The following PGAM5 variants were observed in gnomAD, a reference collection of about 807,000 sequenced individuals.
PGAM5 encodes the protein PGAM family member 5, mitochondrial serine/threonine protein phosphatase.
In PGAM5, 25 loss-of-function variants were observed where a neutral mutation model predicts 30.6. The ratio of observed to expected loss-of-function variants is 0.82; its 90% CI spans 0.60 to 1.14. The LOEUF is 1.14. Ranked by LOEUF, PGAM5 falls within the 50% of genes most tolerant of loss-of-function variation. The pLI is 0.00. For missense variants in PGAM5, 384 were observed against 408.5 expected, an observed-to-expected ratio of 0.94 and a Z score of 0.52; for synonymous variants, 201 against 179.1, an observed-to-expected ratio of 1.12 and a Z score of -0.98.
chr12:132,713,232 G>A (rs1227030361), intron 1 of PGAM5, among the ~76,000 whole-genome samples: 2 of 152,156 alleles, frequency 1.3e-5, no homozygotes, highest in African/African-American at 4.8e-5. Context: ...CAGGTGTTCT[G>A]TATTTGCTTG....
chr12:132,716,471 C>G (rs909797338), intron 2 of PGAM5, among the ~76,000 whole-genome samples: 1 of 151,982 alleles, frequency 6.6e-6, no homozygotes, highest in South Asian at 2.1e-4. Flanking sequence ...CCTCGTAATC[C>G]GCCCGCCTTG....
intron 5 of PGAM5, chr12:132,718,937 G>T: frequency 6.5e-7 from 1 of 1,546,026 alleles, no homozygotes. Context: ...TCCCTCGGGG[G>T]GCCCTTGTCC....
At position 132,720,278 on chromosome 12, in the gene PGAM5, T is replaced by C. The variant is rs189243786; in HGVS notation, c.720-400T>C. 6.2e-4 allele frequency among the ~76,000 whole-genome samples: 93 copies of C among 149,202 alleles called. No homozygotes were observed. The East Asian group carries it at 0.016, about 25-fold the overall frequency. ...CCTGGCACAGCCTGGCCCAGCCTCT[T>C]TTAAGGACAGAGTCCCCTGGCTCTA... On this transcript the variant is annotated intron_variant, in intron 5 of 5. Coordinates refer to ENST00000498926, the MANE Select transcript of PGAM5 (RefSeq NM_001170543.2).
intron 1 of PGAM5, among the ~76,000 whole-genome samples, chr12:132,713,173 A>C (rs2043538820): frequency 6.6e-6 from 1 of 152,198 alleles, no homozygotes; most frequent in Non-Finnish European, 1.5e-5. Context: ...AAAGAAAAAA[A>C]AGAACTTGAA....
rs771245897 is a variant in PGAM5, at chr12:132,721,098, G to T, written c.*270G>T. ...GGCCTGTTGTGGGGACTTGAAAGAG[G>T]CCTGACCCAGACCACCATGTTCGCA... On this transcript the variant is annotated 3_prime_UTR_variant, in exon 6 of 6. Transcript: ENST00000498926. The T allele has an allele frequency of 1.9e-5, 6 of 316,268 alleles. No individual in the cohort carries two copies. Among genetic ancestry groups the T allele is most frequent in the Non-Finnish European group, 2.4e-5 (4 of 170,134 alleles). 19.6% of individuals were successfully genotyped at this position (316,268 alleles called of 1,614,324 possible). A position where few individuals can be genotyped will look rare whatever the true frequency, so the allele number is the denominator to read the frequency against.
At position 132,716,381 on chromosome 12, in the gene PGAM5, A is replaced by G. The variant is rs531241005; in HGVS notation, c.371-1058A>G. Among the ~76,000 whole-genome samples the G allele has an allele frequency of 4.6e-3, 689 of 148,398 alleles. 5 individuals are homozygous for G. Among genetic ancestry groups the G allele is most frequent in the African/African-American group, 0.016 (641 of 40,342 alleles). ...ATTACAGGCGTGAGCCACCACACCC[A>G]GCCTAATTTTTTTTTTTTTTTGTAT... On this transcript the variant is annotated intron_variant, in intron 2 of 5. Transcript: ENST00000498926.
intron 2 of PGAM5, among the ~76,000 whole-genome samples, chr12:132,716,319 T>A (rs1359483597): frequency 6.6e-6 from 1 of 151,950 alleles, no homozygotes; most frequent in Non-Finnish European, 1.5e-5. Context: ...TCTCCTGACC[T>A]TGTGATCCAC....
chr12:132,711,724 T>C (rs897911672), intron 1 of PGAM5: 5 of 150,640 alleles, frequency 3.3e-5, no homozygotes, highest in African/African-American at 1.2e-4. Context: ...GGTCCCAGGC[T>C]GCACAGTGTG....
In PGAM5 at chr12:132,716,922, G is replaced by A. The variant is rs538220857; in HGVS notation, c.371-517G>A. On this transcript the variant is annotated intron_variant, in intron 2 of 5. Coordinates refer to ENST00000498926, the MANE Select transcript of PGAM5 (RefSeq NM_001170543.2). ...CCAGTGGCTTCGGCCTTCCTGAGGC[G>A]TTTTCACCTGGATGCAAAAGCTCAC... 4.9e-4 allele frequency among the ~76,000 whole-genome samples: 74 copies of A among 152,290 alleles called. No individual in the cohort carries two copies. In the South Asian group the frequency reaches 0.013, roughly 27 times the overall value.
At chr12:132,711,277 C>G (rs1271156417) in intron 1 of PGAM5, 1 of 315,194 alleles carries the variant, frequency 3.2e-6, no homozygotes, top group Non-Finnish European at 5.6e-6. Flanking sequence ...CTTCTGTGGC[C>G]GAGCTCCGTC....
At chr12:132,711,410 G>A (rs2043521487) in intron 1 of PGAM5, 1 of 181,678 alleles carries the variant, frequency 5.5e-6, no homozygotes, top group Non-Finnish European at 1.1e-5. Context: ...GAGCGCGCCC[G>A]CGAGCTGCGT....
chr12:132,717,292 G>A (rs1420972949), intron 2 of PGAM5, 147 bp from the exon 3 acceptor site: 37 of 969,730 alleles, frequency 3.8e-5, no homozygotes, highest in Admixed American at 5.0e-5. Flanking sequence ...ATCAGGGGTC[G>A]TGTTTGCGGG....
intron 5 of PGAM5, chr12:132,719,269 C>G: frequency 9.2e-7 from 1 of 1,082,756 alleles, no homozygotes; most frequent in Non-Finnish European, 1.1e-6. Flanking sequence ...GACAGGACGG[C>G]ACTGGTCAGT....
chr12:132,716,475 C>T (rs941322305), intron 2 of PGAM5, among the ~76,000 whole-genome samples: 26 of 152,130 alleles, frequency 1.7e-4, no homozygotes, highest in African/African-American at 5.5e-4. Context: ...GTAATCCGCC[C>T]GCCTTGGCCT....
Position 132,721,049 on chromosome 12 carries a change from T to G in PGAM5, c.*221T>G. The G allele has an allele frequency of 2.0e-6, 1 of 508,786 alleles. No homozygotes were observed. The highest frequency in any genetic ancestry group is 3.4e-6 in the Non-Finnish European group (1 of 295,910). 31.5% of individuals were successfully genotyped at this position (508,786 alleles called of 1,614,324 possible). A position where few individuals can be genotyped will look rare whatever the true frequency, so the allele number is the denominator to read the frequency against. ...CCCCAGGATGGCGTGGGGTTTAAGG[T>G]GAAAGCGTCTCACGCACAAGTCAGG... On this transcript the variant is annotated 3_prime_UTR_variant, in exon 6 of 6. Coordinates refer to ENST00000498926, the MANE Select transcript of PGAM5 (RefSeq NM_001170543.2).
chr12:132,720,766 G>A lies in PGAM5; in HGVS notation c.808G>A (p.Val270Ile), dbSNP rs1478345394. ...THLVIRPNGRVALRTLGDTGF... is the reference protein window; with the variant it reads ...THLVIRPNGRIALRTLGDTGF... Reference sequence around the variant, plus strand: ...CCTGGTGATCCGACCCAACGGCCGAGTTGCGCTCAGGACCCTCGGGGACAC... The same window carrying A: ...CCTGGTGATCCGACCCAACGGCCGAATTGCGCTCAGGACCCTCGGGGACAC... The change falls in exon 6 of 6, where the codon GTT becomes ATT. Residue 270 changes from valine (V) to isoleucine (I), a missense_variant. Physicochemically the swap from Val to Ile is conservative, Grantham distance 29. Coordinates refer to ENST00000498926, the MANE Select transcript of PGAM5 (RefSeq NM_001170543.2). 15 of 1,536,398 alleles carry A rather than the reference G, an allele frequency of 9.8e-6. No homozygotes were observed. The highest frequency in any genetic ancestry group is 1.2e-5 in the Non-Finnish European group (14 of 1,146,882).
intron 5 of PGAM5, chr12:132,719,074 GGGCCCCTTGGGGGGCAGGGCCA>G: frequency 7.1e-7 from 1 of 1,408,254 alleles, no homozygotes. Context: ...CCACGTTAGA[GGGCCCCTTGGGGGGCAGGGCCA>G]GCTCTACGGT....
chr12:132,718,073 C>A lies in PGAM5; in HGVS notation c.672C>A (p.Tyr224Ter). 1 of 1,612,826 alleles carries A rather than the reference C, an allele frequency of 6.2e-7. No homozygotes were observed. The highest frequency in any genetic ancestry group is 8.5e-7 in the Non-Finnish European group (1 of 1,179,982). ...RADARQEEDS[Y>*]EIFICHANVI... ...ATGCCAGGCAGGAGGAGGACAGTTACGAGATCTTCATCTGTCACGCCAACG... is the reference window on the plus strand; with the variant it reads ...ATGCCAGGCAGGAGGAGGACAGTTAAGAGATCTTCATCTGTCACGCCAACG... Residue 224 changes from tyrosine (Y) to a stop codon, truncating the protein, a stop_gained, in exon 5 of 6, where the codon TAC (tyrosine) becomes TAA (stop). Transcript: ENST00000498926. LOFTEE classifies it high-confidence loss of function.
chr12:132,711,136 G>C (rs1359416233), intron 1 of PGAM5, 69 bp downstream of exon 1: 1 of 1,098,376 alleles, frequency 9.1e-7, no homozygotes, highest in African/African-American at 1.7e-5. Context: ...TTGGGATCGA[G>C]ATCGGGACCA....
Sources: allele counts gnomAD v4.1 joint callset (sites outside exome capture counted in the v4.1 genomes callset), GRCh38; gene constraint gnomAD v4.1.1; transcripts MANE v1.5; gene names NCBI Gene and HGNC (gene_info 2026-07-23, HGNC 2026-07-21).